ADAMTS17: variants seen among roughly 807,000 people sequenced by gnomAD.
ADAMTS17 encodes the protein A disintegrin and metalloproteinase with thrombospondin motifs 17.
Under a neutral mutation model 141.5 loss-of-function variants are expected in ADAMTS17, and 113 were observed. The observed-to-expected ratio is 0.80, with a 90% CI of 0.69 to 0.93. The LOEUF (loss-of-function observed/expected upper bound fraction) is 0.93. Ranked by LOEUF, ADAMTS17 falls within the 40% of genes least tolerant of loss-of-function variation. The pLI is 0.00. For missense variants in ADAMTS17, 1,659 were observed against 1,517.9 expected (o/e 1.09, Z -1.54); for synonymous variants, 768 against 630.6 (o/e 1.22, Z -3.27).
chr15:100,157,084 A>C (rs978238277), intron 8 of ADAMTS17, among the ~76,000 whole-genome samples: 2 of 152,228 alleles, frequency 1.3e-5, no homozygotes, highest in Non-Finnish European at 2.9e-5. Flanking sequence ...AGCACAAGCA[A>C]GGAAAATGCC....
chr15:100,157,959 G>C (rs1461513415), intron 8 of ADAMTS17, among the ~76,000 whole-genome samples: 1 of 151,538 alleles, frequency 6.6e-6, no homozygotes, highest in Admixed American at 6.6e-5. Flanking sequence ...CAGAATCTCG[G>C]ATCACTGCAA....
At chr15:100,048,386 GACAGA>G (rs2031875584) in intron 18 of ADAMTS17, among the ~76,000 whole-genome samples, 1 of 152,092 alleles carries the variant, frequency 6.6e-6, no homozygotes, top group South Asian at 2.1e-4. Flanking sequence ...CTGGGGCTGG[GACAGA>G]AGTTCTGATG....
intron 12 of ADAMTS17, among the ~76,000 whole-genome samples, chr15:100,118,274 T>TG (rs775798484): frequency 2.8e-4 from 43 of 152,378 alleles, no homozygotes; most frequent in Middle Eastern, 3.4e-3. Flanking sequence ...TATAAACACC[T>TG]GGTGGTAAGC....
intron 3 of ADAMTS17, among the ~76,000 whole-genome samples, chr15:100,304,509 T>C (rs1345471151): frequency 6.6e-6 from 1 of 152,218 alleles, no homozygotes; most frequent in Admixed American, 6.5e-5. Flanking sequence ...TCATTCATTA[T>C]AAATCTTTGA....
chr15:100,271,230 G>C (rs1347120037), intron 4 of ADAMTS17, among the ~76,000 whole-genome samples: 1 of 152,054 alleles, frequency 6.6e-6, no homozygotes, highest in Non-Finnish European at 1.5e-5. Context: ...ATCTGTTCTT[G>C]TCCCTGCTTT....
intron 14 of ADAMTS17, among the ~76,000 whole-genome samples, chr15:100,103,494 G>C (rs8043148): frequency 0.086 from 13,151 of 152,260 alleles, 1,250 homozygotes; most frequent in African/African-American, 0.23. Flanking sequence ...TCTTGGCAAT[G>C]AAAGTCGTCC....
chr15:100,069,537 T>C (rs1033776357), intron 15 of ADAMTS17, among the ~76,000 whole-genome samples: 5 of 152,028 alleles, frequency 3.3e-5, no homozygotes, highest in East Asian at 1.9e-4. Context: ...AGACTAACAG[T>C]GGATCTCTTG....
intron 15 of ADAMTS17, among the ~76,000 whole-genome samples, chr15:100,055,061 T>C (rs1252291621): frequency 6.6e-6 from 1 of 152,136 alleles, no homozygotes; most frequent in Admixed American, 6.5e-5. Flanking sequence ...AGTCGGCAGA[T>C]GACAAGAGGT....
At chr15:100,061,754 G>A (rs527564715) in intron 15 of ADAMTS17, among the ~76,000 whole-genome samples, 12 of 152,322 alleles carry the variant, frequency 7.9e-5, no homozygotes, top group African/African-American at 2.9e-4. Context: ...TTACTCGCAG[G>A]GACACCTTCT....
intron 12 of ADAMTS17, among the ~76,000 whole-genome samples, chr15:100,127,511 G>C (rs7170221): frequency 0.6 from 90,929 of 151,976 alleles, 27,611 homozygotes; most frequent in African/African-American, 0.67. Context: ...GGCTCCAAAC[G>C]TGGCCTGCCG....
intron 4 of ADAMTS17, among the ~76,000 whole-genome samples, chr15:100,274,851 A>C (rs1018397625): frequency 1.7e-5 from 2 of 118,474 alleles, no homozygotes; most frequent in Non-Finnish European, 4.0e-5. Context: ...TTCCCTTTTC[A>C]TTTGCTTTTG....
chr15:100,142,429 G>C (rs527966793), intron 10 of ADAMTS17, among the ~76,000 whole-genome samples: 1 of 152,318 alleles, frequency 6.6e-6, no homozygotes, highest in Admixed American at 6.5e-5. Context: ...GGAAGGGACA[G>C]GCCCATGTGA....
rs1349704292 is a variant in ADAMTS17, at chr15:99,973,626, C to CACCTTGAAG, written c.*767_*775dup. 1 of 151,952 alleles carries CACCTTGAAG rather than the reference C, an allele frequency of 6.6e-6. No individual in the cohort carries two copies. Among genetic ancestry groups the CACCTTGAAG allele is most frequent in the Non-Finnish European group, 1.5e-5 (1 of 68,154 alleles). The allele number at this position is 151,952 out of a possible 1,614,324, so 9.4% of individuals were successfully genotyped here. A position where few individuals can be genotyped will look rare whatever the true frequency, so the allele number is the denominator to read the frequency against. ...GCAATTACCGTTTCTTATGTCACAG[C>CACCTTGAAG]ACCTTGAAGAGAGGCCCTTCTGTTT... On this transcript the variant is annotated 3_prime_UTR_variant, in exon 22 of 22. Transcript: ENST00000268070.
chr15:100,053,804 C>G (rs1289360565), intron 16 of ADAMTS17, 93 bp downstream of exon 16: 1 of 1,596,764 alleles, frequency 6.3e-7, no homozygotes, highest in Non-Finnish European at 8.6e-7. Context: ...TTTCCTGCCC[C>G]CGAGGTCCCA....
intron 7 of ADAMTS17, among the ~76,000 whole-genome samples, chr15:100,215,758 G>C (rs1010931674): frequency 3.3e-5 from 5 of 152,118 alleles, no homozygotes; most frequent in African/African-American, 1.2e-4. Flanking sequence ...GGAGCTGCTA[G>C]TGTATTTCCC....
intron 2 of ADAMTS17, among the ~76,000 whole-genome samples, chr15:100,334,051 G>C (rs1450732386): frequency 6.6e-6 from 1 of 152,186 alleles, no homozygotes; most frequent in Non-Finnish European, 1.5e-5. Context: ...TATTTCAGCA[G>C]TTGTGAGTGG....
intron 7 of ADAMTS17, among the ~76,000 whole-genome samples, chr15:100,237,315 TCTTTG>T (rs1172107609): frequency 2.0e-5 from 3 of 152,162 alleles, no homozygotes; most frequent in African/African-American, 4.8e-5. Context: ...GGGCTTCTGC[TCTTTG>T]CTTTAACTGC....
At chr15:100,066,490 A>G (rs2033539196) in intron 15 of ADAMTS17, among the ~76,000 whole-genome samples, 1 of 152,002 alleles carries the variant, frequency 6.6e-6, no homozygotes, top group African/African-American at 2.4e-5. Flanking sequence ...TTCTTCTGAT[A>G]TCTTTTTTTC....
At chr15:100,291,218 T>A (rs754452587) in intron 3 of ADAMTS17, among the ~76,000 whole-genome samples, 1 of 152,176 alleles carries the variant, frequency 6.6e-6, no homozygotes, top group African/African-American at 2.4e-5. Context: ...AAAGAAGACA[T>A]ACACGTGGCC....
Sources: allele counts gnomAD v4.1 joint callset (sites outside exome capture counted in the v4.1 genomes callset), GRCh38; gene constraint gnomAD v4.1.1; transcripts MANE v1.5; gene names NCBI Gene and HGNC (gene_info 2026-07-23, HGNC 2026-07-21).